ZNF385B: variants seen among roughly 807,000 people sequenced by gnomAD.
ZNF385B encodes the protein zinc finger protein 533.
A neutral mutation model predicts 39.2 loss-of-function variants in ZNF385B; 23 were observed. The observed-to-expected ratio is 0.59, with a 90% CI of 0.42 to 0.83. The LOEUF (loss-of-function observed/expected upper bound fraction) is 0.83. ZNF385B is among the 40% of genes least tolerant of loss of function. The pLI, the probability that ZNF385B is intolerant of heterozygous loss-of-function variation, is 0.00. For missense variants in ZNF385B, 552 were observed against 598.9 expected (o/e 0.92, Z 0.82); for synonymous variants, 205 against 222.6 (o/e 0.92, Z 0.70).
intron 4 of ZNF385B, among the ~76,000 whole-genome samples, chr2:179,525,811 C>T (rs1440447704): frequency 6.6e-6 from 1 of 152,106 alleles, no homozygotes. Context: ...ATAGCTGTGT[C>T]GCTAAAGAGC....
chr2:179,543,452 T>C lies in ZNF385B; in HGVS notation c.441+1375A>G, dbSNP rs538336440. Among the ~76,000 whole-genome samples, 3 of 152,266 alleles carry C rather than the reference T, an allele frequency of 2.0e-5. No homozygotes were observed. The East Asian group carries it at 5.8e-4, about 29-fold the overall frequency. On this transcript the variant is annotated intron_variant, in intron 4 of 9. Transcript: ENST00000410066. ...AATCAAAACACAAATACCTCATAAA[T>C]GTTCTATGAAGTATAGCTTAATTCA... is the stretch of plus-strand genomic sequence containing the variant.
At chr2:179,765,606 A>G (rs1703642170) in intron 3 of ZNF385B, among the ~76,000 whole-genome samples, 1 of 152,200 alleles carries the variant, frequency 6.6e-6, no homozygotes, top group South Asian at 2.1e-4. Flanking sequence ...CCAGTCTAAC[A>G]GAAAAGACTA....
At chr2:179,717,387 T>C (rs1355091642) in intron 3 of ZNF385B, among the ~76,000 whole-genome samples, 1 of 152,104 alleles carries the variant, frequency 6.6e-6, no homozygotes, top group Non-Finnish European at 1.5e-5. Context: ...TCTGCCAAGA[T>C]AGATGGATAG....
At chr2:179,560,589 A>T (rs1314076748) in intron 3 of ZNF385B, among the ~76,000 whole-genome samples, 1 of 151,620 alleles carries the variant, frequency 6.6e-6, no homozygotes, top group Non-Finnish European at 1.5e-5. Context: ...CTCTCTAATC[A>T]CTGTTTCCAT....
At chr2:179,640,092 G>GAAC (rs781404091) in intron 3 of ZNF385B, among the ~76,000 whole-genome samples, 8 of 152,156 alleles carry the variant, frequency 5.3e-5, no homozygotes, top group East Asian at 1.9e-4. Context: ...ATGTTATACA[G>GAAC]AACAACAACA....
At chr2:179,698,606 C>T (rs1253406289) in intron 3 of ZNF385B, among the ~76,000 whole-genome samples, 1 of 152,142 alleles carries the variant, frequency 6.6e-6, no homozygotes, top group African/African-American at 2.4e-5. Flanking sequence ...ATAACTCTGG[C>T]TGGTAAATCC....
chr2:179,692,389 T>A (rs897197081), intron 3 of ZNF385B, among the ~76,000 whole-genome samples: 1 of 152,176 alleles, frequency 6.6e-6, no homozygotes, highest in Admixed American at 6.5e-5. Flanking sequence ...TCACCACATG[T>A]ATCCTTCCCA....
chr2:179,459,000 G>A (rs971415701), intron 6 of ZNF385B, among the ~76,000 whole-genome samples: 6 of 152,208 alleles, frequency 3.9e-5, no homozygotes, highest in African/African-American at 7.2e-5. Flanking sequence ...CTCAGAAGGA[G>A]AGAAAATTAT....
chr2:179,814,647 A>G (rs1269055928), intron 1 of ZNF385B: 4 of 434,048 alleles, frequency 9.2e-6, no homozygotes, highest in East Asian at 6.8e-5. Context: ...CTTGTCCCCA[A>G]AAACTACTCC....
chr2:179,669,719 G>A (rs927820871), intron 3 of ZNF385B, among the ~76,000 whole-genome samples: 2 of 152,134 alleles, frequency 1.3e-5, no homozygotes, highest in African/African-American at 4.8e-5. Flanking sequence ...TTTCTTTGGA[G>A]GTTATTAAAG....
At chr2:179,602,945 T>C (rs1688523805) in intron 3 of ZNF385B, among the ~76,000 whole-genome samples, 2 of 152,202 alleles carry the variant, frequency 1.3e-5, no homozygotes, top group African/African-American at 4.8e-5. Context: ...TTTTTCTGTG[T>C]AAAGATGTTA....
rs146030929 is a variant in ZNF385B, at chr2:179,709,896, C to T, written c.298+59607G>A. Among the ~76,000 whole-genome samples the T allele has an allele frequency of 3.4e-3, 524 of 152,268 alleles. 1 individual carries two copies. The highest frequency in any genetic ancestry group is 0.011 in the African/African-American group (471 of 41,550). ...CAGGCATATCCCAGCAAGCATGCCA[C>T]ACAGAAAAGTACCATAGTAGGACTA... is the stretch of plus-strand genomic sequence containing the variant. On this transcript the variant is annotated intron_variant, in intron 3 of 9. Coordinates refer to ENST00000410066, the MANE Select transcript of ZNF385B (RefSeq NM_152520.6).
intron 3 of ZNF385B, among the ~76,000 whole-genome samples, chr2:179,764,294 T>C (rs1559173395): frequency 6.6e-6 from 1 of 152,180 alleles, no homozygotes; most frequent in Non-Finnish European, 1.5e-5. Context: ...AAATTACTGT[T>C]TGCATGATAT....
At chr2:179,844,252 T>TA (rs1003822402) in intron 1 of ZNF385B, among the ~76,000 whole-genome samples, 3 of 151,982 alleles carry the variant, frequency 2.0e-5, no homozygotes, top group Non-Finnish European at 2.9e-5. Flanking sequence ...TCTTCATCTG[T>TA]AAAAAAAATA....
chr2:179,537,210 G>C (rs1246406079), intron 4 of ZNF385B, among the ~76,000 whole-genome samples: 3 of 151,012 alleles, frequency 2.0e-5, no homozygotes, highest in Non-Finnish European at 2.9e-5. Flanking sequence ...GCTGAGGCAA[G>C]AGAATCGCTT....
rs949053549 is a variant in ZNF385B, at chr2:179,742,834, A to T, written c.298+26669T>A. Among the ~76,000 whole-genome samples the T allele has an allele frequency of 2.0e-5, 3 of 152,134 alleles. No individual in the cohort carries two copies. The East Asian group carries it at 5.8e-4, about 29-fold the overall frequency. The stretch of plus-strand genomic sequence containing the variant: ...CAGGTTTGTATCTGCTATTTTTTGT[A>T]ACTAGTCATTTTTAAGAACTGCTGA... On this transcript the variant is annotated intron_variant, in intron 3 of 9. Transcript: ENST00000410066.
At chr2:179,812,792 T>C (rs938818728) in intron 1 of ZNF385B, among the ~76,000 whole-genome samples, 2 of 152,152 alleles carry the variant, frequency 1.3e-5, no homozygotes, top group East Asian at 1.9e-4. Flanking sequence ...CCAAAGATTA[T>C]GTATTTATTT....
chr2:179,802,528 CAACCTTAA>C (rs1286327290), intron 1 of ZNF385B: 5 of 152,030 alleles, frequency 3.3e-5, no homozygotes, highest in African/African-American at 9.7e-5. Flanking sequence ...ATCATGAAAC[CAACCTTAA>C]AACAGTCTCC....
At chr2:179,809,124 G>GA (rs1043922539) in intron 1 of ZNF385B, among the ~76,000 whole-genome samples, 5 of 151,886 alleles carry the variant, frequency 3.3e-5, no homozygotes, top group Non-Finnish European at 5.9e-5. Flanking sequence ...CAAGGGCAAA[G>GA]AAAAAAAATC....
Sources: gnomAD v4.1 joint callset for allele counts (sites outside exome capture counted in the v4.1 genomes callset) on GRCh38, gnomAD v4.1.1 for gene constraint, MANE v1.5 for transcripts, NCBI Gene and HGNC (gene_info 2026-07-23, HGNC 2026-07-21) for gene names.